Variants in TAFA4 observed in about 807,000 individuals in gnomAD.
TAFA4 encodes TAFA chemokine like family member 4.
In TAFA4, 20 loss-of-function variants were observed where a neutral mutation model predicts 21.1. The observed-to-expected ratio is 0.95, with a 90% confidence interval of 0.67 to 1.38. The LOEUF is 1.38. Among genes scored for constraint, TAFA4 ranks in the 40% most tolerant of loss-of-function variants. TAFA4 has a pLI of 0.00. For synonymous variants in TAFA4, 71 were observed against 67.4 expected, an observed-to-expected ratio of 1.05 and a Z score of -0.26; for missense variants, 211 against 180.9, an observed-to-expected ratio of 1.17 and a Z score of -0.95.
At chr3:68,806,785 G>GA (rs1391975229) in intron 3 of TAFA4, among the ~76,000 whole-genome samples, 4 of 152,122 alleles carry the variant, frequency 2.6e-5, no homozygotes, top group African/African-American at 4.8e-5. Flanking sequence ...TCTACCATGA[G>GA]AAAAAAACAA....
chr3:68,761,909 C>T lies in TAFA4; in HGVS notation c.131-8891G>A, dbSNP rs189568399. On this transcript the variant is annotated intron_variant, in intron 3 of 5. Transcript: ENST00000295569. ...TGTTAAGAGGCTAACTCCAAAGTTT[C>T]GGGTTTGAACAAGAATGGAGTCGTC... is the stretch of plus-strand genomic sequence containing the variant. Among the ~76,000 whole-genome samples the T allele has an allele frequency of 1.3e-3, 198 of 152,150 alleles. 2 individuals are homozygous for T. Among genetic ancestry groups the T allele is most frequent in the African/African-American group, 4.5e-3 (188 of 41,532 alleles).
intron 3 of TAFA4, among the ~76,000 whole-genome samples, chr3:68,865,436 G>A (rs561734205): frequency 1.3e-5 from 2 of 151,956 alleles, no homozygotes; most frequent in Admixed American, 1.3e-4. Flanking sequence ...TCCCTGTACT[G>A]TTTTCACAAT....
chr3:68,849,219 T>C (rs1411667341), intron 3 of TAFA4, among the ~76,000 whole-genome samples: 3 of 152,234 alleles, frequency 2.0e-5, no homozygotes, highest in East Asian at 3.8e-4. Flanking sequence ...TAATTCATTG[T>C]GCCATATTTA....
At chr3:68,874,242 T>C in intron 3 of TAFA4, among the ~76,000 whole-genome samples, 1 of 152,164 alleles carries the variant, frequency 6.6e-6, no homozygotes. Flanking sequence ...TTTTAACTCT[T>C]GCAAACACAG....
chr3:68,802,071 T>G (rs1486037745), intron 3 of TAFA4, among the ~76,000 whole-genome samples: 1 of 152,124 alleles, frequency 6.6e-6, no homozygotes, highest in Non-Finnish European at 1.5e-5. Flanking sequence ...TTCACAAAGT[T>G]TTTCAAAATA....
At chr3:68,928,319 G>A (rs1444937068) in intron 1 of TAFA4, among the ~76,000 whole-genome samples, 4 of 152,090 alleles carry the variant, frequency 2.6e-5, no homozygotes, top group Admixed American at 6.5e-5. Flanking sequence ...TACCATTATC[G>A]TTATTCACAA....
chr3:68,759,449 C>G lies in TAFA4; in HGVS notation c.131-6431G>C, dbSNP rs113630544. On this transcript the variant is annotated intron_variant, in intron 3 of 5. Transcript: ENST00000295569. Reference sequence around the variant, plus strand: ...TGGGAGAAAAATGAAAGCTGAAATGCAAGAAACTAGCAGCTCTTGTTATAA... The same window carrying G: ...TGGGAGAAAAATGAAAGCTGAAATGGAAGAAACTAGCAGCTCTTGTTATAA... 3.7e-3 allele frequency among the ~76,000 whole-genome samples: 561 copies of G among 152,258 alleles called. 3 individuals are homozygous for G. Among genetic ancestry groups the G allele is most frequent in the African/African-American group, 0.013 (529 of 41,552 alleles).
chr3:68,849,719 T>G (rs1704897822), intron 3 of TAFA4, among the ~76,000 whole-genome samples: 1 of 152,168 alleles, frequency 6.6e-6, no homozygotes, highest in Non-Finnish European at 1.5e-5. Context: ...TTTGGAGTGG[T>G]TGCTTACATA....
chr3:68,874,024 G>C (rs1316136013), intron 3 of TAFA4, among the ~76,000 whole-genome samples: 1 of 151,938 alleles, frequency 6.6e-6, no homozygotes, highest in African/African-American at 2.4e-5. Context: ...TATTTTTCCT[G>C]AAACAAATTT....
chr3:68,737,608 T>C lies in TAFA4; in HGVS notation c.411+1467A>G, dbSNP rs550364235. Among the ~76,000 whole-genome samples, 164 of 152,298 alleles carry C rather than the reference T, an allele frequency of 1.1e-3. 1 individual carries two copies. The highest frequency in any genetic ancestry group is 3.8e-3 in the African/African-American group (159 of 41,570). On this transcript the variant is annotated intron_variant, in intron 5 of 5. Coordinates refer to ENST00000295569, the MANE Select transcript of TAFA4 (RefSeq NM_182522.5). The stretch of plus-strand genomic sequence containing the variant: ...AGCTAAAGTTCCCATTTAAAATGTA[T>C]TGTAGAATCATATTTTCTATTTTGT...
At chr3:68,794,018 C>T (rs908572298) in intron 3 of TAFA4, among the ~76,000 whole-genome samples, 1 of 152,130 alleles carries the variant, frequency 6.6e-6, no homozygotes, top group Admixed American at 6.5e-5. Context: ...TCTTCTATTC[C>T]CTGAGGAGCT....
At chr3:68,898,840 T>A (rs1559557345) in intron 1 of TAFA4, among the ~76,000 whole-genome samples, 1 of 152,280 alleles carries the variant, frequency 6.6e-6, no homozygotes, top group East Asian at 1.9e-4. Context: ...ACAATATTAG[T>A]GGTAGACTCA....
chr3:68,822,440 T>C (rs1380944777), intron 3 of TAFA4, among the ~76,000 whole-genome samples: 1 of 152,186 alleles, frequency 6.6e-6, no homozygotes, highest in Non-Finnish European at 1.5e-5. Flanking sequence ...TATCCAAAAT[T>C]ACCTCCAAGA....
chr3:68,859,450 G>T (rs2089302211), intron 3 of TAFA4, among the ~76,000 whole-genome samples: 1 of 152,006 alleles, frequency 6.6e-6, no homozygotes, highest in African/African-American at 2.4e-5. Context: ...TCTGTTTATT[G>T]TTTAACAGAA....
intron 1 of TAFA4, among the ~76,000 whole-genome samples, chr3:68,900,543 C>T (rs904459235): frequency 1.3e-5 from 2 of 152,050 alleles, no homozygotes; most frequent in African/African-American, 4.8e-5. Context: ...GAGAAGCACT[C>T]TCTACTCACT....
At chr3:68,881,249 G>C (rs1399093220) in intron 2 of TAFA4, among the ~76,000 whole-genome samples, 3 of 152,132 alleles carry the variant, frequency 2.0e-5, no homozygotes, top group Non-Finnish European at 4.4e-5. Context: ...TGCACATGTG[G>C]TCCAAGAACT....
intron 1 of TAFA4, among the ~76,000 whole-genome samples, chr3:68,891,579 G>A (rs894667827): frequency 6.6e-6 from 1 of 152,160 alleles, no homozygotes; most frequent in African/African-American, 2.4e-5. Flanking sequence ...TGATGTAAGA[G>A]GTGACACCCT....
At position 68,753,019 on chromosome 3, in the gene TAFA4, C is replaced by A. The variant is rs963267841; in HGVS notation, c.131-1G>T. 6 of 1,611,838 alleles carry A rather than the reference C, an allele frequency of 3.7e-6. No homozygotes were observed. Among genetic ancestry groups the A allele is most frequent in the African/African-American group, 1.3e-5 (1 of 74,802 alleles). On this transcript the variant is annotated splice_acceptor_variant, in intron 3 of 5. Coordinates refer to ENST00000295569, the MANE Select transcript of TAFA4 (RefSeq NM_182522.5). LOFTEE classifies it high-confidence loss of function. ...GTCCCTTGCTTGATTTGGTGGTGAC[C>A]TAGTTGGTAATGGGGGAGAAAAACA...
At chr3:68,816,707 T>C (rs1465917731) in intron 3 of TAFA4, among the ~76,000 whole-genome samples, 1 of 152,192 alleles carries the variant, frequency 6.6e-6, no homozygotes, top group Non-Finnish European at 1.5e-5. Flanking sequence ...ATCTCTGAGA[T>C]ATTGCAAGTT....
Sources: allele counts gnomAD v4.1 joint callset (sites outside exome capture counted in the v4.1 genomes callset), GRCh38; gene constraint gnomAD v4.1.1; transcripts MANE v1.5; gene names NCBI Gene and HGNC (gene_info 2026-07-23, HGNC 2026-07-21).